CCDC122: variants seen among roughly 807,000 people sequenced by gnomAD.
The protein encoded by CCDC122 is coiled-coil domain-containing protein 122.
Under a neutral mutation model 37.0 loss-of-function variants are expected in CCDC122, and 38 were observed. That is an observed-to-expected ratio of 1.03 (90% CI 0.79 to 1.35). The LOEUF (loss-of-function observed/expected upper bound fraction) is 1.35. Ranked by LOEUF, CCDC122 falls within the 40% of genes most tolerant of loss-of-function variation. CCDC122 has a pLI of 0.00. For missense variants in CCDC122, 305 were observed against 310.0 expected, an observed-to-expected ratio of 0.98 and a Z score of 0.12; for synonymous variants, 83 against 95.6, an observed-to-expected ratio of 0.87 and a Z score of 0.77.
Position 43,858,836 on chromosome 13 carries a change from G to A in CCDC122, c.617C>T (p.Thr206Ile). 2 of 1,424,640 alleles carry A rather than the reference G, an allele frequency of 1.4e-6. No individual in the cohort carries two copies. Among genetic ancestry groups the A allele is most frequent in the African/African-American group, 1.4e-5 (1 of 69,418 alleles). 88.2% of individuals were successfully genotyped at this position (1,424,640 alleles called of 1,614,324 possible). Residue 206 changes from threonine to isoleucine, a missense_variant, in exon 6 of 7, where the codon ACT becomes ATT. Transcript: ENST00000444614. ...ITVKESIIEK[T>I]CFLEEEKKTH... ...CTTTTTTTCTTCCTCAAGAAAACAA[G>A]TTTTTTCAATGATAGATTCTTTTAC...
chr13:43,858,849 T>A lies in CCDC122; in HGVS notation c.604A>T (p.Ile202Phe). ...TCAAGAAAACAAGTTTTTTCAATGA[T>A]AGATTCTTTTACAGTTATAATTTTA... Reference protein sequence around the residue: ...KDKIITVKESIIEKTCFLEEE... With the variant: ...KDKIITVKESFIEKTCFLEEE... The change falls in exon 6 of 7, where the codon ATC becomes TTC. Residue 202 changes from isoleucine (I) to phenylalanine (F), a missense_variant. Ile to Phe is a conservative substitution (Grantham distance 21). Transcript: ENST00000444614. 7.0e-7 allele frequency: 1 copy of A among 1,419,542 alleles called. No homozygotes were observed. Among genetic ancestry groups the A allele is most frequent in the African/African-American group, 1.4e-5 (1 of 69,314 alleles). 87.9% of individuals were successfully genotyped at this position (1,419,542 alleles called of 1,614,324 possible). A position where few individuals can be genotyped will look rare whatever the true frequency, so the allele number is the denominator to read the frequency against.
chr13:43,836,235 A>G (rs1249771453), downstream of CCDC122: 1 of 152,250 alleles, frequency 6.6e-6, no homozygotes, highest in Non-Finnish European at 1.5e-5. Context: ...ACAAGTTAAC[A>G]TTTGATTTAT....
At chr13:43,824,903 G>T (rs144571145) in intron 3 of CCDC122, among the ~76,000 whole-genome samples, 1 of 152,278 alleles carries the variant, frequency 6.6e-6, no homozygotes, top group East Asian at 1.9e-4. Flanking sequence ...AACAACAGAT[G>T]CTGGTGAGGC....
At chr13:43,840,855 T>C (rs926272723) in intron 6 of CCDC122, among the ~76,000 whole-genome samples, 1 of 151,890 alleles carries the variant, frequency 6.6e-6, no homozygotes, top group African/African-American at 2.4e-5. Context: ...CATGTGCATG[T>C]GTCTTTATAG....
intron 4 of CCDC122, among the ~76,000 whole-genome samples, chr13:43,862,021 T>C (rs185543140): frequency 2.6e-5 from 4 of 152,276 alleles, no homozygotes; most frequent in South Asian, 2.1e-4. Context: ...TGTGACCTAA[T>C]GTCTAACTCA....
chr13:43,869,255 C>T, intron 3 of CCDC122, 76 bp downstream of exon 3: 1 of 1,084,736 alleles, frequency 9.2e-7, no homozygotes, highest in Non-Finnish European at 1.4e-6. Flanking sequence ...TCAATTTTAA[C>T]ACAATTATCC....
chr13:43,821,871 T>G (rs971715594), downstream of CCDC122, among the ~76,000 whole-genome samples: 1 of 152,242 alleles, frequency 6.6e-6, no homozygotes, highest in Admixed American at 6.5e-5. Context: ...ATTCATCTGA[T>G]AGAATTCTGA....
intron 2 of CCDC122, among the ~76,000 whole-genome samples, chr13:43,873,721 A>T (rs1027301328): frequency 7.9e-5 from 12 of 152,180 alleles, no homozygotes; most frequent in African/African-American, 2.9e-4. Flanking sequence ...ATTATACTGG[A>T]ATCCAATCAC....
chr13:43,851,879 C>A (rs1350103292), intron 6 of CCDC122, among the ~76,000 whole-genome samples: 1 of 151,924 alleles, frequency 6.6e-6, no homozygotes, highest in Non-Finnish European at 1.5e-5. Flanking sequence ...TAAAATCTTC[C>A]AGAAATGAAG....
intron 1 of CCDC122, among the ~76,000 whole-genome samples, chr13:43,875,537 C>A (rs1428520901): frequency 6.6e-6 from 1 of 152,200 alleles, no homozygotes; most frequent in Non-Finnish European, 1.5e-5. Flanking sequence ...CTCTGACCCA[C>A]AACCTGCAGC....
intron 5 of CCDC122, among the ~76,000 whole-genome samples, chr13:43,859,431 G>A (rs1562215): frequency 0.92 from 139,298 of 152,048 alleles, 64,172 homozygotes; most frequent in South Asian, 0.98. Context: ...ATTTGACCAT[G>A]TAGTTTTATA....
rs898722022 is a variant in CCDC122, at chr13:43,837,356, C to G, written c.746G>C (p.Arg249Pro). The G allele has an allele frequency of 2.5e-6, 4 of 1,613,876 alleles. No individual in the cohort carries two copies. In the Admixed American group the frequency reaches 5.0e-5, roughly 20 times the overall value. ...TTGTTGAATGTTCCATTGCCACTGT[C>G]GTCTATTTGACTGAAGCTTGTTCAC... ...CQVNKLQSNR[R>P]QWQWNIQQLE... The change falls in exon 7 of 7, where the codon CGA becomes CCA. Residue 249 changes from arginine (R) to proline (P), a missense_variant. By Grantham distance (103) the Arg-to-Pro change is moderately radical. Coordinates refer to ENST00000444614, the MANE Select transcript of CCDC122 (RefSeq NM_144974.5).
intron 1 of CCDC122, chr13:43,878,018 G>A (rs143230557): frequency 2.0e-5 from 3 of 152,026 alleles, no homozygotes; most frequent in African/African-American, 7.2e-5. Context: ...AGGACCAGAT[G>A]GTGAAAGGAA....
Position 43,837,439 on chromosome 13 carries a change from G to T in CCDC122, c.673-10C>A. On this transcript the variant is annotated splice_polypyrimidine_tract_variant and intron_variant, in intron 6 of 6. Transcript: ENST00000444614. ...ACCTCTTATGTTGTACCTATCAAAA[G>T]AAGAGCACACATCAACAGGGCTTGT... is the stretch of plus-strand genomic sequence containing the variant. 3 of 1,607,062 alleles carry T rather than the reference G, an allele frequency of 1.9e-6. No individual in the cohort carries two copies. Among genetic ancestry groups the T allele is most frequent in the Non-Finnish European group, 2.5e-6 (3 of 1,177,558 alleles).
At chr13:43,852,790 T>G (rs1478091768) in intron 6 of CCDC122, among the ~76,000 whole-genome samples, 1 of 151,896 alleles carries the variant, frequency 6.6e-6, no homozygotes, top group Non-Finnish European at 1.5e-5. Flanking sequence ...AGTGGACCTC[T>G]CAGCAGAAAC....
At chr13:43,827,957 G>C (rs558984871) in intron 3 of CCDC122, among the ~76,000 whole-genome samples, 16 of 152,326 alleles carry the variant, frequency 1.1e-4, no homozygotes, top group Non-Finnish European at 2.2e-4. Context: ...CACATGCTTA[G>C]AGAAGAGTTA....
chr13:43,858,911 A>G lies in CCDC122; in HGVS notation c.556-14T>C. 1.5e-6 allele frequency: 2 copies of G among 1,373,822 alleles called. No individual in the cohort carries two copies. The highest frequency in any genetic ancestry group is 2.7e-5 in the Admixed American group (1 of 36,512). The allele number at this position is 1,373,822 out of a possible 1,614,324, so 85.1% of individuals were successfully genotyped here. ...TGTAATGTCTTCCTGTATGTTGACA[A>G]CATTTGAAATATAGAAGTCAAAAAA... On this transcript the variant is annotated splice_polypyrimidine_tract_variant and intron_variant, in intron 5 of 6. Transcript: ENST00000444614.
At chr13:43,821,979 G>T (rs903952001), downstream of CCDC122, among the ~76,000 whole-genome samples, 2 of 152,162 alleles carry the variant, frequency 1.3e-5, no homozygotes, top group Non-Finnish European at 2.9e-5. Flanking sequence ...GTTTCTCCAG[G>T]ATTGGTCCCT....
chr13:43,834,750 C>T (rs1396581777), downstream of CCDC122, among the ~76,000 whole-genome samples: 4 of 152,170 alleles, frequency 2.6e-5, no homozygotes, highest in African/African-American at 9.6e-5. Context: ...CAAATCAAAA[C>T]CACAATGAGA....
Sources: allele counts gnomAD v4.1 joint callset (sites outside exome capture counted in the v4.1 genomes callset), GRCh38; gene constraint gnomAD v4.1.1; transcripts MANE v1.5; gene names NCBI Gene and HGNC (gene_info 2026-07-23, HGNC 2026-07-21).